MSI2: variants seen among roughly 807,000 people sequenced by gnomAD.
MSI2 encodes the protein musashi RNA binding protein 2, also known as RNA-binding protein Musashi homolog 2.
Under a neutral mutation model 45.6 loss-of-function variants are expected in MSI2, and 17 were observed. That is an observed-to-expected ratio of 0.37 (90% CI 0.26 to 0.56). MSI2 has a LOEUF of 0.56. Among genes scored for constraint, MSI2 ranks in the 20% least tolerant of loss-of-function variants. The probability of loss-of-function intolerance (pLI) is 0.77; values close to 1 mark genes in which losing one functional copy is unlikely to be tolerated. For missense variants in MSI2, 293 were observed against 444.2 expected, an observed-to-expected ratio of 0.66 and a Z score of 3.06; for synonymous variants, 156 against 158.2, an observed-to-expected ratio of 0.99 and a Z score of 0.11.
At chr17:57,344,830 C>T (rs959513962) in intron 5 of MSI2, among the ~76,000 whole-genome samples, 5 of 152,114 alleles carry the variant, frequency 3.3e-5, no homozygotes, top group African/African-American at 7.2e-5. Context: ...CTGGCCTACC[C>T]GAGGTGGGTG....
intron 5 of MSI2, among the ~76,000 whole-genome samples, chr17:57,319,268 C>G (rs1184584169): frequency 2.0e-5 from 3 of 152,212 alleles, no homozygotes; most frequent in African/African-American, 7.2e-5. Context: ...GTTATCATTT[C>G]TATCTCTTCA....
At chr17:57,547,221 T>A (rs908801283) in intron 7 of MSI2, among the ~76,000 whole-genome samples, 3 of 152,030 alleles carry the variant, frequency 2.0e-5, no homozygotes, top group African/African-American at 7.2e-5. Context: ...GTGGTAGAGA[T>A]GACTGAGAGA....
At chr17:57,658,051 A>C (rs780740063) in intron 11 of MSI2, among the ~76,000 whole-genome samples, 2 of 152,206 alleles carry the variant, frequency 1.3e-5, no homozygotes, top group Non-Finnish European at 2.9e-5. Flanking sequence ...ATTTCTGAAG[A>C]TGGCTTTCCT....
chr17:57,580,893 C>T (rs2088183788), intron 7 of MSI2, among the ~76,000 whole-genome samples: 1 of 151,858 alleles, frequency 6.6e-6, no homozygotes, highest in Non-Finnish European at 1.5e-5. Context: ...CCACTCATTC[C>T]AAGCAATATT....
At chr17:57,640,464 T>C (rs539304954) in intron 10 of MSI2, among the ~76,000 whole-genome samples, 25 of 152,342 alleles carry the variant, frequency 1.6e-4, no homozygotes, top group Non-Finnish European at 3.2e-4. Context: ...GTTATTACCT[T>C]GGGCAATAAT....
intron 6 of MSI2, among the ~76,000 whole-genome samples, chr17:57,499,535 C>G (rs575594830): frequency 6.6e-6 from 1 of 152,052 alleles, no homozygotes; most frequent in Non-Finnish European, 1.5e-5. Flanking sequence ...TAATATTTAC[C>G]CATCAGTTTA....
chr17:57,318,653 G>A (rs1913069563), intron 5 of MSI2, among the ~76,000 whole-genome samples: 1 of 151,876 alleles, frequency 6.6e-6, no homozygotes, highest in East Asian at 1.9e-4. Context: ...GTGGGGGGTG[G>A]GGGCGGAGGG....
chr17:57,471,713 G>A (rs995455904), intron 6 of MSI2, among the ~76,000 whole-genome samples: 8 of 148,702 alleles, frequency 5.4e-5, no homozygotes, highest in Non-Finnish European at 8.9e-5. Context: ...CCCCCACCCC[G>A]CCTGCGTGCT....
At chr17:57,524,509 A>AATCTAGACATGAGTTTATCTGTTAGATAG in intron 6 of MSI2, among the ~76,000 whole-genome samples, 2 of 152,380 alleles carry the variant, frequency 1.3e-5, no homozygotes, top group South Asian at 4.1e-4. Flanking sequence ...TTGGCTGCAT[A>AATCTAGACATGAGTTTATCTGTTAGATAG]ATCTAGACAT....
At chr17:57,496,739 A>G (rs2085987898) in intron 6 of MSI2, among the ~76,000 whole-genome samples, 1 of 152,232 alleles carries the variant, frequency 6.6e-6, no homozygotes, top group African/African-American at 2.4e-5. Context: ...AAGGGTGGGA[A>G]CAAGACAGTT....
chr17:57,321,223 G>A (rs1913312691), intron 5 of MSI2, among the ~76,000 whole-genome samples: 1 of 151,962 alleles, frequency 6.6e-6, no homozygotes, highest in African/African-American at 2.4e-5. Flanking sequence ...TCCAGCTTCT[G>A]AGACTGCTGT....
intron 5 of MSI2, among the ~76,000 whole-genome samples, chr17:57,272,828 C>T (rs771540985): frequency 2.0e-5 from 3 of 152,114 alleles, no homozygotes; most frequent in Admixed American, 6.5e-5. Flanking sequence ...AAAACTGCTG[C>T]GACATCTTAA....
chr17:57,567,618 C>G (rs4145164), intron 7 of MSI2, among the ~76,000 whole-genome samples: 61,552 of 152,156 alleles, frequency 0.4, 13,282 homozygotes, highest in African/African-American at 0.57. Context: ...CTGCAGTGGG[C>G]TGTGCGTGCC....
chr17:57,594,639 G>A lies in MSI2; in HGVS notation c.455-2229G>A, dbSNP rs114229883. On this transcript the variant is annotated intron_variant, in intron 7 of 13. Coordinates refer to ENST00000284073, the MANE Select transcript of MSI2 (RefSeq NM_138962.4). ...GCCCAAAGAGAGGGAATAGGATAGC[G>A]TTCCCAGCAGCTTTCTCTCAAAGGA... Among the ~76,000 whole-genome samples, 741 of 152,304 alleles carry A rather than the reference G, an allele frequency of 4.9e-3. 8 individuals are homozygous for A. The highest frequency in any genetic ancestry group is 0.017 in the African/African-American group (719 of 41,560).
intron 11 of MSI2, among the ~76,000 whole-genome samples, chr17:57,653,926 C>T (rs1911380616): frequency 7.1e-6 from 1 of 139,952 alleles, no homozygotes; most frequent in South Asian, 2.4e-4. Flanking sequence ...AAGGTCATCT[C>T]CAGTCACACA....
intron 7 of MSI2, among the ~76,000 whole-genome samples, chr17:57,538,691 A>C (rs1305186688): frequency 6.6e-6 from 1 of 152,224 alleles, no homozygotes; most frequent in East Asian, 1.9e-4. Flanking sequence ...TGGGGACCCT[A>C]GTCTTGAAAA....
chr17:57,677,817 A>G (rs1913339620), intron 13 of MSI2, among the ~76,000 whole-genome samples: 1 of 152,214 alleles, frequency 6.6e-6, no homozygotes, highest in Non-Finnish European at 1.5e-5. Flanking sequence ...AGGTTGGGGC[A>G]GTGAGGAAGC....
chr17:57,671,125 G>C (rs112855442), intron 11 of MSI2, among the ~76,000 whole-genome samples: 2,093 of 152,142 alleles, frequency 0.014, 28 homozygotes, highest in Non-Finnish European at 0.023. Context: ...AGGATGAGGG[G>C]CAAAGAGGAA....
intron 7 of MSI2, among the ~76,000 whole-genome samples, chr17:57,567,216 TGAA>T (rs1211504235): frequency 6.6e-6 from 1 of 152,224 alleles, no homozygotes; most frequent in Non-Finnish European, 1.5e-5. Flanking sequence ...CTAATTAGTA[TGAA>T]GTCAATTCAG....
Sources: allele counts gnomAD v4.1 joint callset (sites outside exome capture counted in the v4.1 genomes callset), GRCh38; gene constraint gnomAD v4.1.1; transcripts MANE v1.5; gene names NCBI Gene and HGNC (gene_info 2026-07-23, HGNC 2026-07-21).